The following HIVEP1 variants were observed in gnomAD, a reference collection of about 807,000 sequenced individuals.
The protein encoded by HIVEP1 is zinc finger protein 40.
HIVEP1 carries 36 observed loss-of-function variants against 180.0 expected under a neutral mutation model. The observed-to-expected ratio is 0.20, with a 90% CI of 0.15 to 0.26. The LOEUF (loss-of-function observed/expected upper bound fraction) is 0.26. HIVEP1 is among the 10% of genes least tolerant of loss of function. The probability of loss-of-function intolerance (pLI) is 1.00; values close to 1 mark genes in which losing one functional copy is unlikely to be tolerated. For missense variants in HIVEP1, 3,143 were observed against 3,268.7 expected, an observed-to-expected ratio of 0.96 and a Z score of 0.94; for synonymous variants, 1,239 against 1,239.0, an observed-to-expected ratio of 1.00 and a Z score of 0.00.
intron 7 of HIVEP1, among the ~76,000 whole-genome samples, chr6:12,141,739 G>C (rs1414409809): frequency 8.7e-6 from 1 of 114,638 alleles, no homozygotes; most frequent in Non-Finnish European, 1.8e-5. Flanking sequence ...TGCAATCCTA[G>C]TCTCTGATAA....
At position 12,124,960 on chromosome 6, in the gene HIVEP1, C is replaced by G; in HGVS notation, c.5165C>G (p.Ser1722Cys). The G allele has an allele frequency of 6.2e-7, 1 of 1,614,152 alleles. No individual in the cohort carries two copies. The change falls in exon 4 of 9, where the codon TCC (serine) becomes TGC (cysteine). Residue 1722 changes from serine (S) to cysteine (C), a missense_variant. By Grantham distance (112) the Ser-to-Cys change is moderately radical (BLOSUM62 -1). Coordinates refer to ENST00000379388, the MANE Select transcript of HIVEP1 (RefSeq NM_002114.4). ...AGCCAAAATTCTTCTCTATCAGAATCCTTGCCCATAACTCAGAAAATATCT... is the reference window on the plus strand; with the variant it reads ...AGCCAAAATTCTTCTCTATCAGAATGCTTGCCCATAACTCAGAAAATATCT... ...EMSQNSSLSE[S>C]LPITQKISVG...
chr6:12,068,583 A>C (rs115933919), intron 2 of HIVEP1, among the ~76,000 whole-genome samples: 2,116 of 152,324 alleles, frequency 0.014, 23 homozygotes, highest in Middle Eastern at 0.068. Context: ...AAGGGAGAAT[A>C]CTTAAGAATC....
At chr6:12,102,045 G>A (rs1390700247) in intron 3 of HIVEP1, among the ~76,000 whole-genome samples, 1 of 152,068 alleles carries the variant, frequency 6.6e-6, no homozygotes, top group African/African-American at 2.4e-5. Context: ...CCATCAGGAA[G>A]GTATAGCAGT....
intron 2 of HIVEP1, among the ~76,000 whole-genome samples, chr6:12,074,306 A>G (rs529263061): frequency 3.9e-5 from 6 of 152,312 alleles, no homozygotes; most frequent in African/African-American, 1.4e-4. Context: ...GTTGTTAAAA[A>G]TAATTGGATT....
At chr6:12,136,811 G>A (rs1758732518) in intron 7 of HIVEP1, among the ~76,000 whole-genome samples, 1 of 151,982 alleles carries the variant, frequency 6.6e-6, no homozygotes, top group Non-Finnish European at 1.5e-5. Flanking sequence ...ACCTGTTCAT[G>A]TGTTCTAACT....
intron 3 of HIVEP1, among the ~76,000 whole-genome samples, chr6:12,099,173 A>T (rs1418134628): frequency 6.9e-6 from 1 of 144,758 alleles, no homozygotes. Context: ...CCAGAGGGAA[A>T]TGTCACTGAG....
rs1757832849 is a variant in HIVEP1, at chr6:12,123,450, G to A, written c.3655G>A (p.Val1219Met). The stretch of plus-strand genomic sequence containing the variant: ...CAGAAAGAGTCCAAGTGAACGACAT[G>A]TGTTAGGACAGCCCTCAAGACTTGT... The part of the protein sequence containing the change: ...SSRKSPSERH[V>M]LGQPSRLVRQ... Residue 1219 changes from valine to methionine, a missense_variant, in exon 4 of 9, where the codon GTG (valine) becomes ATG (methionine). By Grantham distance (21) the Val-to-Met change is conservative. Transcript: ENST00000379388. 3 of 1,614,210 alleles carry A rather than the reference G, an allele frequency of 1.9e-6. No homozygotes were observed. The highest frequency in any genetic ancestry group is 4.5e-5 in the East Asian group (2 of 44,884).
At chr6:12,130,008 C>T (rs1758331153) in intron 5 of HIVEP1, 116 bp downstream of exon 5, 2 of 682,580 alleles carry the variant, frequency 2.9e-6, no homozygotes, top group African/African-American at 3.6e-5. Context: ...CAAGGTTTCT[C>T]AGCATATTAA....
chr6:12,060,740 T>G (rs1423539553), intron 2 of HIVEP1, among the ~76,000 whole-genome samples: 1 of 152,200 alleles, frequency 6.6e-6, no homozygotes, highest in East Asian at 1.9e-4. Context: ...ATGTAAGTGG[T>G]CACACAGATG....
chr6:12,061,354 A>T (rs959271029), intron 2 of HIVEP1, among the ~76,000 whole-genome samples: 2 of 152,266 alleles, frequency 1.3e-5, no homozygotes, highest in South Asian at 4.1e-4. Flanking sequence ...CATCAATAGC[A>T]GGTCAAATAA....
At chr6:12,015,719 A>C (rs768573900) in intron 2 of HIVEP1, 51 bp downstream of exon 2, 2 of 1,530,718 alleles carry the variant, frequency 1.3e-6, no homozygotes, top group Non-Finnish European at 1.8e-6. Context: ...TCTTTTAACA[A>C]AGTATCTCTT....
At chr6:12,014,183 C>T (rs980333983) in intron 1 of HIVEP1, among the ~76,000 whole-genome samples, 1 of 152,182 alleles carries the variant, frequency 6.6e-6, no homozygotes, top group African/African-American at 2.4e-5. Flanking sequence ...CAAGGCCACA[C>T]AGTAAGGGGT....
At chr6:12,094,860 T>C (rs1773696729) in intron 3 of HIVEP1, among the ~76,000 whole-genome samples, 1 of 152,102 alleles carries the variant, frequency 6.6e-6, no homozygotes, top group Non-Finnish European at 1.5e-5. Flanking sequence ...ATATTGGAAC[T>C]GTACCTTTGT....
intron 8 of HIVEP1, 99 bp from the exon 9 acceptor site, chr6:12,163,183 AC>A: frequency 2.2e-6 from 2 of 892,476 alleles, no homozygotes; most frequent in Non-Finnish European, 1.8e-6. Flanking sequence ...AAATATACTT[AC>A]TTTTATCTCA....
chr6:12,020,489 G>T (rs915553019), intron 2 of HIVEP1: 3 of 469,828 alleles, frequency 6.4e-6, no homozygotes, highest in African/African-American at 2.0e-5. Flanking sequence ...CTGTGGAGGG[G>T]TTATCTCCAC....
At chr6:12,136,311 C>T (rs1758701962) in intron 7 of HIVEP1, among the ~76,000 whole-genome samples, 1 of 152,162 alleles carries the variant, frequency 6.6e-6, no homozygotes. Flanking sequence ...TTCACCTTTA[C>T]ACCCCTCACT....
chr6:12,118,058 C>A (rs1372821453), intron 3 of HIVEP1, among the ~76,000 whole-genome samples: 1 of 151,696 alleles, frequency 6.6e-6, no homozygotes, highest in Non-Finnish European at 1.5e-5. Context: ...AATGTTTGTT[C>A]AACATTTTGT....
At chr6:12,016,517 A>G (rs1767759468) in intron 2 of HIVEP1, among the ~76,000 whole-genome samples, 1 of 152,224 alleles carries the variant, frequency 6.6e-6, no homozygotes, top group Admixed American at 6.5e-5. Context: ...AATCAAATAA[A>G]TTAATTTGAA....
At chr6:12,172,578 T>C in the HIVEP1 span, among the ~76,000 whole-genome samples, 1 of 152,162 alleles carries the variant, frequency 6.6e-6, no homozygotes, top group East Asian at 1.9e-4. Flanking sequence ...TAACAAGATA[T>C]TAGATTTAAA....
Sources: allele counts gnomAD v4.1 joint callset (sites outside exome capture counted in the v4.1 genomes callset), GRCh38; gene constraint gnomAD v4.1.1; transcripts MANE v1.5; gene names NCBI Gene and HGNC (gene_info 2026-07-23, HGNC 2026-07-21).